The following EBF1 variants were observed in gnomAD, a reference collection of about 807,000 sequenced individuals.
EBF1 encodes the protein transcription factor COE1.
EBF1 carries 10 observed loss-of-function variants against 68.4 expected under a neutral mutation model. The observed-to-expected ratio is 0.15, with a 90% CI of 0.09 to 0.25. EBF1 has a LOEUF of 0.25. Ranked by LOEUF, EBF1 falls within the 10% of genes least tolerant of loss-of-function variation. The pLI is 1.00. For missense variants in EBF1, 509 were observed against 794.4 expected, an observed-to-expected ratio of 0.64 and a Z score of 4.32; for synonymous variants, 298 against 299.8, an observed-to-expected ratio of 0.99 and a Z score of 0.06.
intron 6 of EBF1, among the ~76,000 whole-genome samples, chr5:158,978,825 C>CAG (rs1420683452): frequency 6.7e-6 from 1 of 149,168 alleles, no homozygotes; most frequent in African/African-American, 2.5e-5. Context: ...CACACACACA[C>CAG]ACACACACAC....
chr5:158,726,628 T>C (rs550051554), intron 11 of EBF1, among the ~76,000 whole-genome samples: 168 of 152,346 alleles, frequency 1.1e-3, no homozygotes, highest in Middle Eastern at 3.4e-3. Flanking sequence ...GGGCTGGCTC[T>C]TGGAGAAAAG....
chr5:158,879,767 A>G (rs1158068545), intron 6 of EBF1, among the ~76,000 whole-genome samples: 2 of 152,236 alleles, frequency 1.3e-5, no homozygotes, highest in Non-Finnish European at 2.9e-5. Context: ...AGGAGAAAAG[A>G]AACGGACAGG....
At chr5:158,818,936 A>C (rs531838222) in intron 8 of EBF1, among the ~76,000 whole-genome samples, 40 of 151,430 alleles carry the variant, frequency 2.6e-4, no homozygotes, top group Admixed American at 8.6e-4. Context: ...ACAATAACAA[A>C]AAAAAAAAAA....
intron 6 of EBF1, among the ~76,000 whole-genome samples, chr5:159,055,912 T>C (rs918942243): frequency 6.6e-6 from 1 of 152,218 alleles, no homozygotes; most frequent in Non-Finnish European, 1.5e-5. Flanking sequence ...TCACGAACAT[T>C]TATTGAATAA....
intron 6 of EBF1, among the ~76,000 whole-genome samples, chr5:158,928,233 T>C (rs978368100): frequency 1.1e-4 from 16 of 152,186 alleles, no homozygotes; most frequent in Non-Finnish European, 1.3e-4. Context: ...ACCTGCTCCA[T>C]AGGCTTGTAA....
intron 6 of EBF1, among the ~76,000 whole-genome samples, chr5:159,050,340 C>G (rs1773337938): frequency 6.6e-6 from 1 of 152,024 alleles, no homozygotes; most frequent in Non-Finnish European, 1.5e-5. Context: ...CTCTTGACTT[C>G]TACCCCTCCA....
At position 158,889,540 on chromosome 5, in the gene EBF1, G is replaced by A. The variant is rs10062907; in HGVS notation, c.555-49430C>T. Among the ~76,000 whole-genome samples the A allele has an allele frequency of 6.0e-3, 920 of 152,244 alleles. 16 individuals are homozygous for A. Among genetic ancestry groups the A allele is most frequent in the African/African-American group, 0.021 (875 of 41,546 alleles). On this transcript the variant is annotated intron_variant, in intron 6 of 15. Transcript: ENST00000313708. ...AAAGCTTGAGAATAAGTACATCTAAGTTATTTATGATGCTGAGCTACGAGA... is the reference window on the plus strand; with the variant it reads ...AAAGCTTGAGAATAAGTACATCTAAATTATTTATGATGCTGAGCTACGAGA...
intron 10 of EBF1, among the ~76,000 whole-genome samples, chr5:158,772,677 T>G (rs1362633994): frequency 6.6e-6 from 1 of 152,156 alleles, no homozygotes; most frequent in Admixed American, 6.5e-5. Context: ...ATGCCTATAG[T>G]TGTGTTACTA....
rs1188033143 is a variant in EBF1, at chr5:158,921,709, C to T, written c.555-81599G>A. 7.2e-5 allele frequency among the ~76,000 whole-genome samples: 11 copies of T among 152,114 alleles called. No homozygotes were observed. In the East Asian group the frequency reaches 1.5e-3, roughly 21 times the overall value. Reference sequence around the variant, plus strand: ...AGAGATGTACCAATACTTGTTTTGGCGGTTTGTGGTTGCTTATTTTTACTT... The same window carrying T: ...AGAGATGTACCAATACTTGTTTTGGTGGTTTGTGGTTGCTTATTTTTACTT... On this transcript the variant is annotated intron_variant, in intron 6 of 15. Transcript: ENST00000313708.
intron 6 of EBF1, among the ~76,000 whole-genome samples, chr5:158,896,844 A>T (rs1057223295): frequency 3.9e-5 from 6 of 152,146 alleles, no homozygotes; most frequent in African/African-American, 1.4e-4. Flanking sequence ...TCCTTGGAAG[A>T]TCAGAAAAAA....
chr5:158,889,320 A>C (rs74387689), intron 6 of EBF1, among the ~76,000 whole-genome samples: 366 of 152,308 alleles, frequency 2.4e-3, no homozygotes, highest in African/African-American at 8.3e-3. Flanking sequence ...ACCCTGGAAA[A>C]TTCTGCTGAG....
rs748649901 is a variant in EBF1 at position 158,796,468 on chromosome 5, G to A, written c.786C>T (p.Pro262=). 1 of 1,612,140 alleles carries A rather than the reference G, an allele frequency of 6.2e-7. No individual in the cohort carries two copies. The highest frequency in any genetic ancestry group is 2.2e-5 in the East Asian group (1 of 44,844). ...GTPSYLEHAT[P]CIKAISPSEG... ...CACTCGGGCTGATGGCTTTGATACA[G>A]GGAGTAGCTGCTTTTCAACACACAT... Residue 262 remains proline, a synonymous_variant, in exon 9 of 16, where the codon CCC becomes CCT. Transcript: ENST00000313708.
At chr5:159,009,549 A>G (rs147290669) in intron 6 of EBF1, among the ~76,000 whole-genome samples, 3 of 152,334 alleles carry the variant, frequency 2.0e-5, no homozygotes, top group East Asian at 1.9e-4. Flanking sequence ...TACGAAAAAG[A>G]TGGCAGACTT....
At chr5:158,758,333 C>T (rs564511447) in intron 10 of EBF1, among the ~76,000 whole-genome samples, 1 of 152,224 alleles carries the variant, frequency 6.6e-6, no homozygotes, top group South Asian at 2.1e-4. Flanking sequence ...CAATAATCAG[C>T]CTGTCTCAAA....
At chr5:159,018,859 A>G (rs1321216998) in intron 6 of EBF1, 1 of 152,214 alleles carries the variant, frequency 6.6e-6, no homozygotes, top group African/African-American at 2.4e-5. Context: ...CCCCTTTTCA[A>G]CAACAAAGCT....
chr5:158,876,337 T>A (rs1239659385), intron 6 of EBF1, among the ~76,000 whole-genome samples: 1 of 152,198 alleles, frequency 6.6e-6, no homozygotes, highest in Non-Finnish European at 1.5e-5. Context: ...GAGAGATTCA[T>A]GTATCTCTAC....
At chr5:158,768,728 C>G (rs191771109) in intron 10 of EBF1, among the ~76,000 whole-genome samples, 58 of 152,230 alleles carry the variant, frequency 3.8e-4, no homozygotes, top group Admixed American at 2.7e-3. Flanking sequence ...CTCCATCAAA[C>G]ATTTGGAATA....
intron 6 of EBF1, among the ~76,000 whole-genome samples, chr5:158,868,607 G>A (rs1796336024): frequency 6.6e-6 from 1 of 152,210 alleles, no homozygotes; most frequent in African/African-American, 2.4e-5. Context: ...AACGTCTGAT[G>A]CTCAAGAAAA....
chr5:158,732,520 G>C (rs1764308425), intron 10 of EBF1, among the ~76,000 whole-genome samples: 1 of 151,830 alleles, frequency 6.6e-6, no homozygotes, highest in African/African-American at 2.4e-5. Flanking sequence ...AATCTAAAAG[G>C]CTATCAATCA....
Sources: allele counts gnomAD v4.1 joint callset (sites outside exome capture counted in the v4.1 genomes callset), GRCh38; gene constraint gnomAD v4.1.1; transcripts MANE v1.5; gene names NCBI Gene and HGNC (gene_info 2026-07-23, HGNC 2026-07-21).